Variants in PDGFA observed in about 807,000 individuals in gnomAD.
PDGFA encodes the protein platelet derived growth factor subunit A.
Under a neutral mutation model 25.6 loss-of-function variants are expected in PDGFA, and 9 were observed. That is an observed-to-expected ratio of 0.35 (90% CI 0.21 to 0.61). PDGFA has a LOEUF of 0.61. Among genes scored for constraint, PDGFA ranks in the 20% least tolerant of loss-of-function variants. The pLI is 0.75. For synonymous variants in PDGFA, 133 were observed against 111.8 expected, an observed-to-expected ratio of 1.19 and a Z score of -1.20; for missense variants, 242 against 272.8, an observed-to-expected ratio of 0.89 and a Z score of 0.79.
chr7:502,805 C>G, intron 4 of PDGFA, among the ~76,000 whole-genome samples: 1 of 148,856 alleles, frequency 6.7e-6, no homozygotes, highest in South Asian at 2.2e-4. Context: ...CACACACACA[C>G]ACACATAATG....
chr7:512,402 T>G (rs1204811995), exon 3 of PDGFA: 1 of 1,613,774 alleles, frequency 6.2e-7, no homozygotes, highest in East Asian at 2.2e-5. Flanking sequence ...GGCACATGCT[T>G]AGTGGCATGG....
intron 3 of PDGFA, among the ~76,000 whole-genome samples, chr7:511,307 T>C (rs10275057): frequency 0.011 from 918 of 84,334 alleles, 58 homozygotes; most frequent in African/African-American, 0.031. Flanking sequence ...AGAGGGGAAC[T>C]TAGTCCAGGT....
In PDGFA at chr7:518,923, C is replaced by CG; in HGVS notation, c.63+15dup. The stretch of plus-strand genomic sequence containing the variant: ...GAGGAGCCGGCGCAGGGACGGGGCG[C>CG]GGGGGCGGCACCAACCTCGGCCAGA... On this transcript the variant is annotated intron_variant, in intron 1 of 5. Coordinates refer to ENST00000402802, the Ensembl canonical transcript of PDGFA. The CG allele has an allele frequency of 6.6e-7, 1 of 1,504,992 alleles. No individual in the cohort carries two copies. Among genetic ancestry groups the CG allele is most frequent in the Non-Finnish European group, 8.9e-7 (1 of 1,127,280 alleles). The allele number at this position is 1,504,992 out of a possible 1,614,324, so 93.2% of individuals were successfully genotyped here. A position where few individuals can be genotyped will look rare whatever the true frequency, so the allele number is the denominator to read the frequency against.
chr7:500,576 A>T lies in PDGFA; in HGVS notation c.580+540T>A. 1 of 1,608,584 alleles carries T rather than the reference A, an allele frequency of 6.2e-7. No individual in the cohort carries two copies. The highest frequency in any genetic ancestry group is 8.5e-7 in the Non-Finnish European group (1 of 1,178,170). ...TGAAGAACTGAAGCAACAAATACCT[A>T]CGGCATTTGTTTATCTTTCCAGAAG... On this transcript the variant is annotated intron_variant, in intron 5 of 5. Coordinates refer to ENST00000402802, the Ensembl canonical transcript of PDGFA. The surrounding 1 kb of genome is among the most constrained non-coding windows in gnomAD (Gnocchi z 5.0).
chr7:515,220 G>A (rs146557540), intron 2 of PDGFA, among the ~76,000 whole-genome samples: 2,401 of 152,268 alleles, frequency 0.016, 80 homozygotes, highest in African/African-American at 0.055. Context: ...TCGTTGCGTT[G>A]GGTTTCTCCC....
At chr7:510,136 G>A (rs1374551700) in intron 4 of PDGFA, among the ~76,000 whole-genome samples, 2 of 152,194 alleles carry the variant, frequency 1.3e-5, no homozygotes, top group Non-Finnish European at 2.9e-5. Context: ...CGGCTAAGCA[G>A]CTCGACACCT....
chr7:503,590 C>G (rs1782445070), intron 4 of PDGFA, among the ~76,000 whole-genome samples: 2 of 152,162 alleles, frequency 1.3e-5, no homozygotes, highest in South Asian at 4.1e-4. Context: ...ACTCTGGAGA[C>G]TGGGCATCAG....
At position 498,312 on chromosome 7, in the gene PDGFA, C is replaced by T. The variant is rs139071678; in HGVS notation, c.*252G>A. The T allele has an allele frequency of 6.4e-4, 310 of 484,180 alleles. 4 individuals carry two copies. In the East Asian group the frequency reaches 8.9e-3, roughly 14 times the overall value. The allele number at this position is 484,180 out of a possible 1,614,324, so 30.0% of individuals were successfully genotyped here. A position where few individuals can be genotyped will look rare whatever the true frequency, so the allele number is the denominator to read the frequency against. On this transcript the variant is annotated 3_prime_UTR_variant, in exon 6 of 6. Coordinates refer to ENST00000402802, the Ensembl canonical transcript of PDGFA. ...TTTTTGTCATTTGTGGTTTTGTTTTCTCTCTCTCTTTCTCTCTCTCTCTTT... is the reference window on the plus strand; with the variant it reads ...TTTTTGTCATTTGTGGTTTTGTTTTTTCTCTCTCTTTCTCTCTCTCTCTTT...
At chr7:510,415 G>C (rs1782746111) in intron 4 of PDGFA, among the ~76,000 whole-genome samples, 1 of 151,672 alleles carries the variant, frequency 6.6e-6, no homozygotes, top group East Asian at 2.0e-4. Context: ...GCGTGGGGCA[G>C]GGCTCACCTG....
chr7:504,293 C>A (rs9330362), intron 4 of PDGFA, among the ~76,000 whole-genome samples: 1 of 151,868 alleles, frequency 6.6e-6, no homozygotes, highest in Non-Finnish European at 1.5e-5. Context: ...GGCCTGGGGT[C>A]GGAGAGGCCC....
At chr7:516,823 C>T (rs962944649) in intron 2 of PDGFA, among the ~76,000 whole-genome samples, 1 of 152,244 alleles carries the variant, frequency 6.6e-6, no homozygotes, top group Non-Finnish European at 1.5e-5. Context: ...GCAGATGCGT[C>T]CAAGGCTTTT....
chr7:509,982 C>T (rs1041183061), intron 4 of PDGFA, among the ~76,000 whole-genome samples: 4 of 151,896 alleles, frequency 2.6e-5, no homozygotes, highest in East Asian at 3.9e-4. Context: ...GGGGGGAAGC[C>T]GGGGGGGCCC....
intron 2 of PDGFA, among the ~76,000 whole-genome samples, chr7:515,402 A>G (rs991131662): frequency 2.6e-5 from 4 of 152,130 alleles, no homozygotes; most frequent in African/African-American, 4.8e-5. Flanking sequence ...GTTGAAGAAA[A>G]GACACCCCCT....
intron 2 of PDGFA, among the ~76,000 whole-genome samples, chr7:514,741 T>TG (rs955086731): frequency 1.1e-4 from 17 of 152,344 alleles, no homozygotes; most frequent in Non-Finnish European, 2.5e-4. Context: ...CAGACCACTT[T>TG]GGGGAACAAA....
chr7:512,394 C>T (rs772365428), exon 3 of PDGFA: 3 of 1,613,778 alleles, frequency 1.9e-6, no homozygotes, highest in South Asian at 1.1e-5. Context: ...GCTTCTCGGG[C>T]ACATGCTTAG....
intron 4 of PDGFA, among the ~76,000 whole-genome samples, chr7:504,372 C>T (rs1169899001): frequency 1.3e-5 from 2 of 152,140 alleles, no homozygotes; most frequent in African/African-American, 4.8e-5. Flanking sequence ...CAGCCACCCC[C>T]AGCCCTGCAA....
chr7:509,076 G>C (rs1583148684), intron 4 of PDGFA, among the ~76,000 whole-genome samples: 1 of 152,214 alleles, frequency 6.6e-6, no homozygotes, highest in Admixed American at 6.5e-5. Flanking sequence ...CTGAAAGCAG[G>C]GAGAAGGGGC....
At chr7:502,299 G>A (rs1254679712) in intron 4 of PDGFA, among the ~76,000 whole-genome samples, 2 of 152,122 alleles carry the variant, frequency 1.3e-5, no homozygotes, top group African/African-American at 4.8e-5. Context: ...CAAGGTTGCT[G>A]TGGACTTGAG....
exon 1 of PDGFA, chr7:519,045 G>C: frequency 6.8e-7 from 1 of 1,462,788 alleles, no homozygotes; most frequent in Middle Eastern, 1.7e-4. Context: ...GCGAGGCCGC[G>C]GGGCGGGCGC....
Sources: allele counts gnomAD v4.1 joint callset (sites outside exome capture counted in the v4.1 genomes callset), GRCh38; gene constraint gnomAD v4.1.1; non-coding constraint Gnocchi (gnomAD v3.1); transcripts MANE v1.5; gene names NCBI Gene and HGNC (gene_info 2026-07-23, HGNC 2026-07-21).